SOAT1: variants seen among roughly 807,000 people sequenced by gnomAD.
The protein encoded by SOAT1 is acyl-coenzyme A:cholesterol acyltransferase 1.
A neutral mutation model predicts 69.5 loss-of-function variants in SOAT1; 55 were observed. The observed-to-expected ratio is 0.79, with a 90% confidence interval of 0.64 to 0.99. SOAT1 has a LOEUF of 0.99. Ranked by LOEUF, SOAT1 falls within the 50% of genes least tolerant of loss-of-function variation. The probability of loss-of-function intolerance (pLI) is 0.00; values close to 1 mark genes in which losing one functional copy is unlikely to be tolerated. For missense variants in SOAT1, 580 were observed against 669.3 expected (o/e 0.87, Z 1.47); for synonymous variants, 231 against 224.7 (o/e 1.03, Z -0.25).
chr1:179,344,830 A>C (rs1400545565), intron 10 of SOAT1, 117 bp from the exon 11 acceptor site: 1 of 898,548 alleles, frequency 1.1e-6, no homozygotes, highest in Admixed American at 2.0e-5. Flanking sequence ...GTTAAATGGA[A>C]TACATATGCG....
rs1289981848 is a variant in SOAT1, at chr1:179,351,473, A to G, written c.1596+11A>G. The G allele has an allele frequency of 6.2e-7, 1 of 1,611,508 alleles. No individual in the cohort carries two copies. The highest frequency in any genetic ancestry group is 1.7e-5 in the Admixed American group (1 of 59,416). On this transcript the variant is annotated intron_variant, in intron 15 of 15. Transcript: ENST00000367619. The stretch of plus-strand genomic sequence containing the variant: ...TGTCCTCTGAAAAATGTGAGTCACC[A>G]ACCTGGTTGGAGTGCAAAAGAACCT...
intron 2 of SOAT1, among the ~76,000 whole-genome samples, chr1:179,323,001 A>G (rs1665655847): frequency 6.9e-6 from 1 of 145,262 alleles, no homozygotes; most frequent in African/African-American, 2.5e-5. Flanking sequence ...TACGTTTCTT[A>G]TATGTCCCCT....
chr1:179,311,770 C>T (rs894534389), intron 2 of SOAT1, among the ~76,000 whole-genome samples: 2 of 152,064 alleles, frequency 1.3e-5, no homozygotes, highest in African/African-American at 4.8e-5. Context: ...GTTAGTAGAA[C>T]TACAGATTTT....
intron 2 of SOAT1, among the ~76,000 whole-genome samples, chr1:179,315,457 G>A (rs1445928307): frequency 1.3e-5 from 2 of 151,192 alleles, no homozygotes; most frequent in African/African-American, 4.9e-5. Context: ...GCAACAGAGT[G>A]AGAACCTGTC....
At chr1:179,295,135 C>CCGTA (rs1201538222) in intron 1 of SOAT1, among the ~76,000 whole-genome samples, 2 of 152,094 alleles carry the variant, frequency 1.3e-5, no homozygotes, top group African/African-American at 4.8e-5. Flanking sequence ...AGGATAAAGA[C>CCGTA]CTACTGAGTG....
At chr1:179,309,661 C>G (rs1254381262) in intron 2 of SOAT1, among the ~76,000 whole-genome samples, 1 of 151,870 alleles carries the variant, frequency 6.6e-6, no homozygotes, top group African/African-American at 2.4e-5. Context: ...TTTAAAAGCC[C>G]TGTTCATATC....
intron 15 of SOAT1, among the ~76,000 whole-genome samples, chr1:179,353,202 T>TATATAAATATATATATAA (rs987569006): frequency 1.8e-5 from 2 of 109,936 alleles, no homozygotes; most frequent in Admixed American, 1.2e-4. Flanking sequence ...ATGGTGGTTA[T>TATATAAATATATATATAA]ATATAAATAT....
chr1:179,343,669 T>A, intron 10 of SOAT1, 34 bp downstream of exon 10: 1 of 1,466,144 alleles, frequency 6.8e-7, no homozygotes, highest in Non-Finnish European at 9.5e-7. Flanking sequence ...GTATGTTGAT[T>A]AGGGGATGGG....
At chr1:179,340,022 G>A (rs184051253) in intron 6 of SOAT1, among the ~76,000 whole-genome samples, 8 of 152,250 alleles carry the variant, frequency 5.3e-5, no homozygotes, top group South Asian at 2.1e-4. Flanking sequence ...TGTGGGCCTC[G>A]AATTTGCATA....
chr1:179,303,464 T>C (rs1328019899), intron 2 of SOAT1, among the ~76,000 whole-genome samples: 2 of 152,192 alleles, frequency 1.3e-5, no homozygotes, highest in African/African-American at 4.8e-5. Flanking sequence ...GCAGTGACAT[T>C]TGTAAAGGTT....
At chr1:179,347,993 A>G (rs913644821) in intron 12 of SOAT1, among the ~76,000 whole-genome samples, 5 of 152,192 alleles carry the variant, frequency 3.3e-5, no homozygotes, top group African/African-American at 1.2e-4. Context: ...AGAGCACACC[A>G]TGAGACTTCC....
intron 3 of SOAT1, 25 bp downstream of exon 3, chr1:179,323,520 C>A (rs776776654): frequency 6.3e-7 from 1 of 1,594,616 alleles, no homozygotes; most frequent in Non-Finnish European, 8.6e-7. Flanking sequence ...CTTCTAGAAA[C>A]AAAAATGTAG....
rs971114036 is a variant in SOAT1 at position 179,323,492 on chromosome 1, A to G, written c.174A>G (p.Ala58=). The G allele has an allele frequency of 1.3e-5, 21 of 1,613,352 alleles. No homozygotes were observed. The Admixed American group carries it at 2.0e-4, about 15-fold the overall frequency. ...AGAAGATAAAGTTGACAGCAGAGGC[A>G]GAGGCAAGTAACTCCCTCTTCTAGA... is the stretch of plus-strand genomic sequence containing the variant. ...IAKKIKLTAE[A]EELKPFFMKE... Residue 58 remains alanine (A), a synonymous_variant, in exon 3 of 16, where the codon GCA becomes GCG. Coordinates refer to ENST00000367619, the MANE Select transcript of SOAT1 (RefSeq NM_003101.6).
chr1:179,303,556 C>G, intron 2 of SOAT1, among the ~76,000 whole-genome samples: 1 of 152,154 alleles, frequency 6.6e-6, no homozygotes, highest in East Asian at 1.9e-4. Context: ...TTGTCTTTGG[C>G]ATTTCATCTC....
chr1:179,316,174 A>G (rs1206059493), intron 2 of SOAT1, among the ~76,000 whole-genome samples: 2 of 152,048 alleles, frequency 1.3e-5, no homozygotes, highest in African/African-American at 4.8e-5. Flanking sequence ...GTTTCCTCAA[A>G]GCCCTTGTTA....
chr1:179,336,674 C>T (rs1666168680), intron 4 of SOAT1, among the ~76,000 whole-genome samples: 1 of 152,074 alleles, frequency 6.6e-6, no homozygotes, highest in African/African-American at 2.4e-5. Context: ...GGATTTGAAC[C>T]TAGAGTCTAG....
Position 179,343,026 on chromosome 1 carries a change from C to G in SOAT1, c.941+83C>G, listed in dbSNP as rs570932927. Reference sequence around the variant, plus strand: ...TGGGATAGGTAAACAGGGGCCAGTTCATGTAGGGACATAGAAAATATAGAA... The same window carrying G: ...TGGGATAGGTAAACAGGGGCCAGTTGATGTAGGGACATAGAAAATATAGAA... On this transcript the variant is annotated intron_variant, in intron 9 of 15. Transcript: ENST00000367619. The G allele has an allele frequency of 7.9e-5, 77 of 974,890 alleles. 1 individual carries two copies. In the South Asian group the frequency reaches 9.4e-4, roughly 12 times the overall value. 60.4% of individuals were successfully genotyped at this position (974,890 alleles called of 1,614,324 possible).
At chr1:179,295,893 C>T (rs944083703) in intron 1 of SOAT1, among the ~76,000 whole-genome samples, 3 of 64,766 alleles carry the variant, frequency 4.6e-5, no homozygotes, top group East Asian at 1.3e-3. Context: ...CTCCGCCTCC[C>T]GGGTTCAAGC....
rs551917519 is a variant in SOAT1, at chr1:179,341,967, A to C, written c.781-147A>C. On this transcript the variant is annotated intron_variant, in intron 7 of 15. Coordinates refer to ENST00000367619, the MANE Select transcript of SOAT1 (RefSeq NM_003101.6). ...AGATTCATTGTTTTGTCATGTAACT[A>C]TATAATAAAGGTTTTATTTTAATTT... is the stretch of plus-strand genomic sequence containing the variant. 5 of 938,452 alleles carry C rather than the reference A, an allele frequency of 5.3e-6. No homozygotes were observed. In the African/African-American group the frequency reaches 8.4e-5, roughly 16 times the overall value. The allele number at this position is 938,452 out of a possible 1,614,324, so 58.1% of individuals were successfully genotyped here. A position where few individuals can be genotyped will look rare whatever the true frequency, so the allele number is the denominator to read the frequency against.
Sources: allele counts gnomAD v4.1 joint callset (sites outside exome capture counted in the v4.1 genomes callset), GRCh38; gene constraint gnomAD v4.1.1; transcripts MANE v1.5; gene names NCBI Gene and HGNC (gene_info 2026-07-23, HGNC 2026-07-21).